SYNE2: variants seen among roughly 807,000 people sequenced by gnomAD.
The protein encoded by SYNE2 is spectrin repeat containing nuclear envelope protein 2.
A neutral mutation model predicts 856.3 loss-of-function variants in SYNE2; 431 were observed. That is an observed-to-expected ratio of 0.50 (90% CI 0.47 to 0.55). The LOEUF (loss-of-function observed/expected upper bound fraction) is 0.55, where lower values mean the gene tolerates loss of function less well. SYNE2 is among the 20% of genes least tolerant of loss of function. The probability of loss-of-function intolerance (pLI) is 0.00; values close to 1 mark genes in which losing one functional copy is unlikely to be tolerated. For missense variants in SYNE2, 8,129 were observed against 8,023.2 expected (o/e 1.01, Z -0.50); for synonymous variants, 2,923 against 2,872.3 (o/e 1.02, Z -0.56).
chr14:63,995,729 C>CTAT (rs757141760), intron 23 of SYNE2, among the ~76,000 whole-genome samples: 34 of 44,400 alleles, frequency 7.7e-4, no homozygotes, highest in African/African-American at 2.4e-3. Context: ...CTATATCTAT[C>CTAT]CATCTATCTA....
At chr14:63,997,192 A>G in intron 24 of SYNE2, 34 bp downstream of exon 24, 1 of 1,604,586 alleles carries the variant, frequency 6.2e-7, no homozygotes, top group Non-Finnish European at 8.5e-7. Flanking sequence ...ACCCTTCAGG[A>G]TAAAACGAAG....
chr14:63,823,531 A>G (rs1455638186), intron 1 of SYNE2, among the ~76,000 whole-genome samples: 1 of 152,030 alleles, frequency 6.6e-6, no homozygotes, highest in Non-Finnish European at 1.5e-5. Context: ...CAAACTCTCA[A>G]AAAATAAAAG....
chr14:64,016,215 A>G (rs1379877898), intron 32 of SYNE2, among the ~76,000 whole-genome samples: 1 of 152,050 alleles, frequency 6.6e-6, no homozygotes, highest in East Asian at 1.9e-4. Context: ...ATGGTTTTAG[A>G]CCACTATAAA....
At chr14:64,135,106 G>A (rs1461838917) in intron 78 of SYNE2, among the ~76,000 whole-genome samples, 1 of 152,146 alleles carries the variant, frequency 6.6e-6, no homozygotes, top group Non-Finnish European at 1.5e-5. Flanking sequence ...CCTCAAAATA[G>A]TTTTCAAGTG....
At chr14:63,771,151 G>A (rs1312918072) in intron 1 of SYNE2, among the ~76,000 whole-genome samples, 2 of 145,004 alleles carry the variant, frequency 1.4e-5, no homozygotes, top group African/African-American at 5.2e-5. Context: ...CTCACTGCAA[G>A]CTCCGCCTCC....
At chr14:64,103,113 A>G (rs2097746855) in intron 64 of SYNE2, among the ~76,000 whole-genome samples, 1 of 152,158 alleles carries the variant, frequency 6.6e-6, no homozygotes, top group African/African-American at 2.4e-5. Context: ...AGCTTCTCAC[A>G]TTACCTTTGC....
Position 64,048,055 on chromosome 14 carries a change from G to A in SYNE2, c.7277G>A (p.Ser2426Asn), listed in dbSNP as rs1280896359. 7 of 1,613,752 alleles carry A rather than the reference G, an allele frequency of 4.3e-6. No individual in the cohort carries two copies. Among genetic ancestry groups the A allele is most frequent in the Non-Finnish European group, 5.9e-6 (7 of 1,179,832 alleles). The change falls in exon 46 of 116, where the codon AGC becomes AAC. Residue 2426 changes from serine to asparagine, a missense_variant. Around this residue, in one of 3 missense-constraint regions of SYNE2, gnomAD observed 5,410 missense variants for 5,284.8 expected, o/e 1.02. Transcript: ENST00000555002. ...CAACTTTCTCTTAATGCTCAAGAAA[G>A]CATGAAAAACACTGAAGATGAGCGG... Reference protein sequence around the residue: ...SKQLSLNAQESMKNTEDERKV... With the variant: ...SKQLSLNAQENMKNTEDERKV...
At chr14:64,159,794 G>T (rs1434159284) in intron 87 of SYNE2, among the ~76,000 whole-genome samples, 1 of 152,212 alleles carries the variant, frequency 6.6e-6, no homozygotes, top group Non-Finnish European at 1.5e-5. Flanking sequence ...CCTGCAGGGG[G>T]TGTTCAAACA....
rs372546949 is a variant in SYNE2 at position 64,219,373 on chromosome 14, A to T, written c.19823A>T (p.Asp6608Val). 3.5e-5 allele frequency: 56 copies of T among 1,614,024 alleles called. No individual in the cohort carries two copies. The African/African-American group carries it at 5.9e-4, about 17-fold the overall frequency. Reference sequence around the variant, plus strand: ...TTAAAGATGGCAAAGCCTCCCTCTGATATCCAGGAAATAGAACTGAGAGTG... The same window carrying T: ...TTAAAGATGGCAAAGCCTCCCTCTGTTATCCAGGAAATAGAACTGAGAGTG... ...EMLKMAKPPS[D>V]IQEIELRVKR... Residue 6608 changes from aspartate to valine, a missense_variant, in exon 110 of 116, where the codon GAT becomes GTT. This residue lies in a region of SYNE2 where 5,410 missense variants were observed against 5,284.8 expected (regional missense o/e 1.02). Transcript: ENST00000555002.
chr14:64,169,544 C>T (rs2098400211), intron 93 of SYNE2, among the ~76,000 whole-genome samples: 1 of 152,162 alleles, frequency 6.6e-6, no homozygotes, highest in African/African-American at 2.4e-5. Context: ...AATGGCCTGG[C>T]CATTTAAATA....
At chr14:63,883,817 TA>T (rs1411857937) in intron 1 of SYNE2, among the ~76,000 whole-genome samples, 36 of 151,786 alleles carry the variant, frequency 2.4e-4, no homozygotes, top group Non-Finnish European at 4.4e-4. Context: ...AACTAAAATA[TA>T]AATGTAGCCT....
At position 63,814,971 on chromosome 14, in the gene SYNE2, TATCCATATATATCCATATATAC is replaced by T. The variant is rs1433413985; in HGVS notation, c.-304-37480_-304-37459del. On this transcript the variant is annotated intron_variant, in intron 1 of 23. Coordinates refer to the SYNE2 transcript ENST00000674003. ...CTATCCATATATATCCATATATATC[TATCCATATATATCCATATATAC>T]ATCCATATATATCCATATATACATC... Among the ~76,000 whole-genome samples, 153 of 93,286 alleles carry T rather than the reference TATCCATATATATCCATATATAC, an allele frequency of 1.6e-3. 1 individual carries two copies. The highest frequency in any genetic ancestry group is 3.9e-3 in the African/African-American group (109 of 27,690). The allele number at this position is 93,286 out of a possible 152,430, so 61.2% of individuals were successfully genotyped here. A position where few individuals can be genotyped will look rare whatever the true frequency, so the allele number is the denominator to read the frequency against.
At chr14:64,186,154 TTAAAA>T (rs1448926828) in intron 96 of SYNE2, among the ~76,000 whole-genome samples, 1 of 152,150 alleles carries the variant, frequency 6.6e-6, no homozygotes, top group Non-Finnish European at 1.5e-5. Context: ...CTATGTGACT[TTAAAA>T]TAGAATAAAT....
At position 64,214,295 on chromosome 14, in the gene SYNE2, AC is replaced by A; in HGVS notation, c.19160del (p.Pro6387ArgfsTer10). 1 of 1,614,076 alleles carries A rather than the reference AC, an allele frequency of 6.2e-7. No individual in the cohort carries two copies. The highest frequency in any genetic ancestry group is 8.5e-7 in the Non-Finnish European group (1 of 1,180,014). On this transcript the variant is annotated frameshift_variant, in exon 106 of 116. Transcript: ENST00000555002. LOFTEE classifies it high-confidence loss of function. ...GGCGTAAACGGGGAGAGAGCGAGGAACCGTCATCTCCTCAGTCCCTGTGTCA... is the reference window on the plus strand; with the variant it reads ...GGCGTAAACGGGGAGAGAGCGAGGAACGTCATCTCCTCAGTCCCTGTGTCA... The part of the protein sequence containing the change: ...SWRKRGESEE[P>X]SSPQSLCHLV...
At chr14:63,851,099 A>G (rs1890404398), upstream of SYNE2, among the ~76,000 whole-genome samples, 1 of 152,200 alleles carries the variant, frequency 6.6e-6, no homozygotes, top group African/African-American at 2.4e-5. Context: ...GCGGTGGCTC[A>G]TGCCTGTAAT....
intron 39 of SYNE2, 28 bp downstream of exon 39, chr14:64,024,487 A>T: frequency 6.3e-7 from 1 of 1,596,074 alleles, no homozygotes; most frequent in Non-Finnish European, 8.6e-7. Context: ...TATCTAAATA[A>T]CATGTTTTCT....
At chr14:64,125,330 G>T in intron 71 of SYNE2, 120 bp downstream of exon 71, 1 of 1,412,418 alleles carries the variant, frequency 7.1e-7, no homozygotes. Flanking sequence ...TAATGGAATG[G>T]GTCCTAGGAT....
chr14:63,858,459 C>T (rs550118583), intron 1 of SYNE2, among the ~76,000 whole-genome samples: 154 of 151,510 alleles, frequency 1.0e-3, no homozygotes, highest in Middle Eastern at 3.4e-3. Context: ...CTGTGTTGCC[C>T]AGGCTGGAGT....
intron 1 of SYNE2, among the ~76,000 whole-genome samples, chr14:63,893,426 G>T (rs1032017395): frequency 2.0e-5 from 3 of 151,914 alleles, no homozygotes; most frequent in African/African-American, 7.3e-5. Context: ...AAATTAGCTG[G>T]GCGTGGTGGC....
Sources: gnomAD v4.1 joint callset for allele counts (sites outside exome capture counted in the v4.1 genomes callset) on GRCh38, gnomAD v4.1.1 for gene constraint, gnomAD v4.1.1 regional missense constraint, MANE v1.5 for transcripts, NCBI Gene and HGNC (gene_info 2026-07-23, HGNC 2026-07-21) for gene names.